Variants in TMEM117 observed in about 807,000 individuals in gnomAD.
The protein encoded by TMEM117 is transmembrane protein 117.
TMEM117 carries 27 observed loss-of-function variants against 52.4 expected under a neutral mutation model. The ratio of observed to expected loss-of-function variants is 0.51; its 90% CI spans 0.38 to 0.71. The LOEUF is 0.71. TMEM117 is among the 30% of genes least tolerant of loss of function. The pLI is 0.00. For synonymous variants in TMEM117, 215 were observed against 206.3 expected, an observed-to-expected ratio of 1.04 and a Z score of -0.36; for missense variants, 556 against 630.5, an observed-to-expected ratio of 0.88 and a Z score of 1.26.
intron 4 of TMEM117, among the ~76,000 whole-genome samples, chr12:44,209,131 G>A (rs1449821952): frequency 6.6e-6 from 1 of 152,036 alleles, no homozygotes; most frequent in Non-Finnish European, 1.5e-5. Flanking sequence ...AAGGAACAGT[G>A]GCTGAAATTG....
intron 1 of TMEM117, among the ~76,000 whole-genome samples, chr12:43,840,250 C>T (rs946002632): frequency 2.6e-5 from 4 of 152,070 alleles, no homozygotes; most frequent in East Asian, 1.9e-4. Flanking sequence ...TTACAAGGTA[C>T]GGAACTCTAA....
chr12:44,249,912 G>A (rs550558567), intron 5 of TMEM117, among the ~76,000 whole-genome samples: 1 of 152,130 alleles, frequency 6.6e-6, no homozygotes, highest in African/African-American at 2.4e-5. Context: ...TAGGCAATAC[G>A]ATTCAGGACA....
intron 4 of TMEM117, among the ~76,000 whole-genome samples, chr12:44,205,285 G>A (rs1949550006): frequency 2.6e-5 from 4 of 152,108 alleles, no homozygotes; most frequent in South Asian, 4.2e-4. Flanking sequence ...TTATAAATGG[G>A]AGTTCCCCTG....
At chr12:44,240,600 G>A (rs954620739) in intron 5 of TMEM117, among the ~76,000 whole-genome samples, 3 of 151,982 alleles carry the variant, frequency 2.0e-5, no homozygotes, top group Non-Finnish European at 4.4e-5. Context: ...ATATGTTTGT[G>A]TGTGTATGTA....
At chr12:44,355,176 A>G (rs1444907845) in intron 6 of TMEM117, among the ~76,000 whole-genome samples, 8 of 152,052 alleles carry the variant, frequency 5.3e-5, no homozygotes, top group Admixed American at 6.6e-5. Context: ...TTTTCCTTGT[A>G]CAAGTTGGCC....
At chr12:44,197,196 A>G (rs540065105) in intron 4 of TMEM117, among the ~76,000 whole-genome samples, 1 of 152,268 alleles carries the variant, frequency 6.6e-6, no homozygotes, top group South Asian at 2.1e-4. Flanking sequence ...CTTTGAGAAA[A>G]TATTTGCTTT....
chr12:44,060,138 T>C (rs1473033310), intron 3 of TMEM117, among the ~76,000 whole-genome samples: 1 of 152,162 alleles, frequency 6.6e-6, no homozygotes, highest in Non-Finnish European at 1.5e-5. Context: ...TTGGGAAGAT[T>C]AGTGAAAGCT....
intron 3 of TMEM117, among the ~76,000 whole-genome samples, chr12:43,963,848 C>T (rs887313280): frequency 6.6e-6 from 1 of 152,268 alleles, no homozygotes; most frequent in East Asian, 1.9e-4. Context: ...ACTCCATGGA[C>T]CCACTTCCTC....
At chr12:44,043,193 T>G (rs1189146571) in intron 3 of TMEM117, among the ~76,000 whole-genome samples, 1 of 152,194 alleles carries the variant, frequency 6.6e-6, no homozygotes. Context: ...TCAGGGATTT[T>G]GTTTCCTGGC....
chr12:43,944,247 T>A lies in TMEM117; in HGVS notation c.315T>A (p.His105Gln). 6.2e-7 allele frequency: 1 copy of A among 1,613,510 alleles called. No homozygotes were observed. The highest frequency in any genetic ancestry group is 1.1e-5 in the South Asian group (1 of 90,970). The part of the protein sequence containing the change: ...LLRLKMFRED[H>Q]GSWMTMFFST... ...GATTAAAAATGTTTCGAGAAGATCA[T>A]GGGTCGTGGATGACAATGTTCTTCA... Residue 105 changes from histidine (H) to glutamine (Q), a missense_variant, in exon 3 of 8, where the codon CAT (histidine) becomes CAA (glutamine). His to Gln is a conservative substitution (Grantham distance 24). Transcript: ENST00000266534.
chr12:43,845,744 CA>C (rs1943196153), intron 2 of TMEM117, among the ~76,000 whole-genome samples: 1 of 151,612 alleles, frequency 6.6e-6, no homozygotes. Context: ...ACCCTGTGTC[CA>C]AGTGTTGTCA....
intron 3 of TMEM117, among the ~76,000 whole-genome samples, chr12:44,128,608 C>G (rs1948365387): frequency 6.6e-6 from 1 of 152,130 alleles, no homozygotes; most frequent in African/African-American, 2.4e-5. Context: ...TCCTAAGTGG[C>G]TTTTCTTTCA....
At chr12:44,387,204 A>T (rs1180560694) in intron 7 of TMEM117, among the ~76,000 whole-genome samples, 2 of 151,840 alleles carry the variant, frequency 1.3e-5, no homozygotes, top group Non-Finnish European at 2.9e-5. Flanking sequence ...AAATCATAAT[A>T]AAAATTATAA....
rs1948695747 is a variant in TMEM117, at chr12:44,149,823, G to A, written c.510+6199G>A. Among the ~76,000 whole-genome samples, 3 of 152,248 alleles carry A rather than the reference G, an allele frequency of 2.0e-5. No homozygotes were observed. The South Asian group carries it at 6.2e-4, about 32-fold the overall frequency. On this transcript the variant is annotated intron_variant, in intron 4 of 7. Transcript: ENST00000266534. ...ATGTTTCAAAATGACAGAATAAGAAGCATAATTGAATTTGATTTAGCACTT... is the reference window on the plus strand; with the variant it reads ...ATGTTTCAAAATGACAGAATAAGAAACATAATTGAATTTGATTTAGCACTT...
intron 5 of TMEM117, among the ~76,000 whole-genome samples, chr12:44,248,207 A>T (rs184380743): frequency 7.7e-4 from 117 of 152,168 alleles, no homozygotes; most frequent in Admixed American, 3.3e-3. Context: ...ATTTGATGCT[A>T]TTGCCATCAC....
At chr12:44,275,365 A>G (rs1309919373) in intron 5 of TMEM117, among the ~76,000 whole-genome samples, 1 of 152,132 alleles carries the variant, frequency 6.6e-6, no homozygotes, top group Non-Finnish European at 1.5e-5. Flanking sequence ...AATTAGTGCA[A>G]CTGTTATGGA....
chr12:44,016,089 C>T (rs1199149214), intron 3 of TMEM117, among the ~76,000 whole-genome samples: 1 of 152,192 alleles, frequency 6.6e-6, no homozygotes, highest in Non-Finnish European at 1.5e-5. Flanking sequence ...CTACCCCCTC[C>T]TCCCAACTCC....
intron 3 of TMEM117, among the ~76,000 whole-genome samples, chr12:44,102,189 C>T (rs1465761536): frequency 6.6e-6 from 1 of 152,002 alleles, no homozygotes. Context: ...CTTAGACCAT[C>T]CTCCATTAAT....
intron 3 of TMEM117, among the ~76,000 whole-genome samples, chr12:44,095,450 A>T (rs1947741928): frequency 6.6e-6 from 1 of 152,106 alleles, no homozygotes; most frequent in Admixed American, 6.6e-5. Flanking sequence ...TGCAAATAGA[A>T]ATTTGATGGG....
Sources: gnomAD v4.1 joint callset for allele counts (sites outside exome capture counted in the v4.1 genomes callset) on GRCh38, gnomAD v4.1.1 for gene constraint, MANE v1.5 for transcripts, NCBI Gene and HGNC (gene_info 2026-07-23, HGNC 2026-07-21) for gene names.